The following ZNF385D variants were observed in gnomAD, a reference collection of about 807,000 sequenced individuals.
ZNF385D encodes zinc finger protein 385D.
Under a neutral mutation model 35.8 loss-of-function variants are expected in ZNF385D, and 15 were observed. That is an observed-to-expected ratio of 0.42 (90% CI 0.28 to 0.64). The LOEUF is 0.64. Among genes scored for constraint, ZNF385D ranks in the 30% least tolerant of loss-of-function variants. ZNF385D has a pLI of 0.23. For synonymous variants in ZNF385D, 212 were observed against 186.8 expected, an observed-to-expected ratio of 1.13 and a Z score of -1.10; for missense variants, 474 against 494.6, an observed-to-expected ratio of 0.96 and a Z score of 0.39.
intron 3 of ZNF385D, among the ~76,000 whole-genome samples, chr3:21,553,475 A>T (rs1469419396): frequency 2.6e-5 from 4 of 152,188 alleles, no homozygotes; most frequent in Non-Finnish European, 4.4e-5. Context: ...AGCAAGACAT[A>T]ATGTTTTTGC....
At chr3:22,302,490 G>A (rs1702956833) in intron 2 of ZNF385D, among the ~76,000 whole-genome samples, 1 of 151,838 alleles carries the variant, frequency 6.6e-6, no homozygotes, top group Non-Finnish European at 1.5e-5. Flanking sequence ...GATATGTACA[G>A]TTTATATTTA....
chr3:22,036,187 AGGGAAAGGATTCATG>A (rs1180715483), intron 3 of ZNF385D, among the ~76,000 whole-genome samples: 1 of 152,172 alleles, frequency 6.6e-6, no homozygotes, highest in Admixed American at 6.6e-5. Context: ...CTCAGGTGAA[AGGGAAAGGATTCATG>A]GGGGTGAAGG....
At chr3:21,843,121 C>T (rs1424065996) in intron 3 of ZNF385D, among the ~76,000 whole-genome samples, 1 of 151,958 alleles carries the variant, frequency 6.6e-6, no homozygotes, top group Non-Finnish European at 1.5e-5. Context: ...TAGATAATTG[C>T]AAGAGAATGT....
chr3:21,646,031 C>T lies in ZNF385D; in HGVS notation c.165+18855G>A, dbSNP rs532465450. Among the ~76,000 whole-genome samples, 40 of 152,158 alleles carry T rather than the reference C, an allele frequency of 2.6e-4. No individual in the cohort carries two copies. Among genetic ancestry groups the T allele is most frequent in the African/African-American group, 9.2e-4 (38 of 41,518 alleles). ...TGTAAAAAGCTCATTCAAAGAAGCT[C>T]GGTCCTCATTTACAGGGAATGAGAA... On this transcript the variant is annotated intron_variant, in intron 2 of 7. Coordinates refer to ENST00000281523, the MANE Select transcript of ZNF385D (RefSeq NM_024697.3). The surrounding 1 kb of genome is among the most constrained non-coding windows in gnomAD (Gnocchi z 4.3).
chr3:22,011,956 C>T (rs1464589859), intron 3 of ZNF385D, among the ~76,000 whole-genome samples: 1 of 152,104 alleles, frequency 6.6e-6, no homozygotes, highest in East Asian at 1.9e-4. Context: ...TTCTTCCCTC[C>T]CTTCTTTTCT....
intron 5 of ZNF385D, among the ~76,000 whole-genome samples, chr3:21,436,403 C>T (rs1363094721): frequency 1.3e-5 from 2 of 152,096 alleles, no homozygotes; most frequent in African/African-American, 2.4e-5. Flanking sequence ...AAAAGAATAA[C>T]ATTTTTAAGC....
intron 3 of ZNF385D, among the ~76,000 whole-genome samples, chr3:22,059,621 A>G (rs1699589702): frequency 6.6e-6 from 1 of 152,210 alleles, no homozygotes; most frequent in Non-Finnish European, 1.5e-5. Flanking sequence ...ACCCTTCATC[A>G]GCTTCTTGGA....
intron 2 of ZNF385D, among the ~76,000 whole-genome samples, chr3:22,253,805 A>C (rs1450691733): frequency 6.6e-6 from 1 of 150,570 alleles, no homozygotes; most frequent in African/African-American, 2.4e-5. Context: ...AGAGTAGCCA[A>C]ACATTGCTAT....
At chr3:22,326,759 T>C (rs1475430999) in intron 2 of ZNF385D, among the ~76,000 whole-genome samples, 2 of 152,192 alleles carry the variant, frequency 1.3e-5, no homozygotes, top group African/African-American at 4.8e-5. Context: ...AGTGTACAGC[T>C]TGATAATTTT....
At chr3:22,223,827 C>T (rs1425568379) in intron 2 of ZNF385D, among the ~76,000 whole-genome samples, 1 of 152,134 alleles carries the variant, frequency 6.6e-6, no homozygotes, top group Non-Finnish European at 1.5e-5. Context: ...AGAAGCTCTA[C>T]ATTTTCATGT....
intron 2 of ZNF385D, among the ~76,000 whole-genome samples, chr3:22,273,844 A>G (rs1047159278): frequency 8.6e-5 from 13 of 151,970 alleles, no homozygotes; most frequent in Admixed American, 8.5e-4. Flanking sequence ...ACAATTATAG[A>G]AGATCTCCCA....
intron 2 of ZNF385D, among the ~76,000 whole-genome samples, chr3:21,599,701 G>T (rs2064225828): frequency 6.6e-6 from 1 of 152,204 alleles, no homozygotes; most frequent in African/African-American, 2.4e-5. Flanking sequence ...AGAATAGTCT[G>T]AAGATTTAAA....
intron 3 of ZNF385D, among the ~76,000 whole-genome samples, chr3:21,992,375 A>G (rs2125397707): frequency 6.6e-6 from 1 of 152,218 alleles, no homozygotes; most frequent in Middle Eastern, 3.4e-3. Context: ...ACATACAAAT[A>G]ATAGATGACA....
At chr3:22,024,256 A>G (rs1427471381) in intron 3 of ZNF385D, among the ~76,000 whole-genome samples, 2 of 152,100 alleles carry the variant, frequency 1.3e-5, no homozygotes, top group Admixed American at 1.3e-4. Context: ...ACTTGCAGAT[A>G]GCCCATTGTG....
chr3:21,906,608 T>C (rs550667496), intron 3 of ZNF385D, among the ~76,000 whole-genome samples: 1 of 152,280 alleles, frequency 6.6e-6, no homozygotes, highest in East Asian at 1.9e-4. Context: ...CCCTGGGTTC[T>C]GTGCCTTCAG....
At chr3:22,168,255 T>C (rs1275992056) in intron 3 of ZNF385D, among the ~76,000 whole-genome samples, 3 of 152,174 alleles carry the variant, frequency 2.0e-5, no homozygotes, top group African/African-American at 7.2e-5. Context: ...GATATTTTTG[T>C]GCTATTTGAA....
At chr3:22,193,847 AT>A (rs1489114431) in intron 2 of ZNF385D, among the ~76,000 whole-genome samples, 1 of 151,980 alleles carries the variant, frequency 6.6e-6, no homozygotes, top group Non-Finnish European at 1.5e-5. Context: ...TTTCATCTAT[AT>A]TTTTAAATGG....
chr3:21,962,354 C>T (rs1474502197), intron 3 of ZNF385D, among the ~76,000 whole-genome samples: 2 of 152,048 alleles, frequency 1.3e-5, no homozygotes, highest in African/African-American at 4.8e-5. Context: ...GATGGCAGAA[C>T]CACTCCCTGC....
chr3:21,965,881 C>T (rs570953742), intron 3 of ZNF385D, among the ~76,000 whole-genome samples: 50 of 152,126 alleles, frequency 3.3e-4, no homozygotes, highest in Non-Finnish European at 6.9e-4. Context: ...GAAGAGATAA[C>T]AATAAAGCAA....
Sources: allele counts gnomAD v4.1 joint callset (sites outside exome capture counted in the v4.1 genomes callset), GRCh38; gene constraint gnomAD v4.1.1; non-coding constraint Gnocchi (gnomAD v3.1); transcripts MANE v1.5; gene names NCBI Gene and HGNC (gene_info 2026-07-23, HGNC 2026-07-21).